The following LRRC4C variants were observed in gnomAD, a reference collection of about 807,000 sequenced individuals.
LRRC4C encodes the protein leucine-rich repeat-containing protein 4C.
In LRRC4C, 5 loss-of-function variants were observed where a neutral mutation model predicts 33.6. The ratio of observed to expected loss-of-function variants is 0.15; its 90% confidence interval spans 0.08 to 0.31. The LOEUF (loss-of-function observed/expected upper bound fraction) is 0.31, where lower values mean the gene tolerates loss of function less well. LRRC4C is among the 10% of genes least tolerant of loss of function. The pLI, the probability that LRRC4C is intolerant of heterozygous loss-of-function variation, is 1.00. For missense variants in LRRC4C, 560 were observed against 796.7 expected (o/e 0.70, Z 3.58); for synonymous variants, 329 against 302.0 (o/e 1.09, Z -0.93).
At chr11:40,346,245 C>G (rs1947124802) in intron 3 of LRRC4C, among the ~76,000 whole-genome samples, 1 of 152,168 alleles carries the variant, frequency 6.6e-6, no homozygotes. Context: ...AAGACACATG[C>G]ATTTGTATGT....
chr11:41,110,611 G>C (rs1345541579), intron 1 of LRRC4C, among the ~76,000 whole-genome samples: 1 of 152,020 alleles, frequency 6.6e-6, no homozygotes, highest in African/African-American at 2.4e-5. Context: ...TCTTCCACAT[G>C]AATAATATTG....
chr11:40,445,052 G>A (rs1338786370), intron 3 of LRRC4C, among the ~76,000 whole-genome samples: 1 of 152,104 alleles, frequency 6.6e-6, no homozygotes, highest in Non-Finnish European at 1.5e-5. Context: ...TCCCCACAAG[G>A]CATAAGCAAT....
rs538789438 is a variant in LRRC4C, at chr11:40,950,393, C to A, written c.-495-16670G>T. 2.0e-5 allele frequency among the ~76,000 whole-genome samples: 3 copies of A among 152,166 alleles called. No homozygotes were observed. In the South Asian group the frequency reaches 6.2e-4, roughly 32 times the overall value. On this transcript the variant is annotated intron_variant, in intron 1 of 6. Transcript: ENST00000528697. ...ACTTTTCCACTCAGATGCTATTTGTCTATTTTTATTTCCCTCATATTCACA... is the reference window on the plus strand; with the variant it reads ...ACTTTTCCACTCAGATGCTATTTGTATATTTTTATTTCCCTCATATTCACA...
At chr11:40,805,444 G>T (rs955773385) in intron 2 of LRRC4C, among the ~76,000 whole-genome samples, 2 of 152,086 alleles carry the variant, frequency 1.3e-5, no homozygotes, top group African/African-American at 4.8e-5. Flanking sequence ...AAACCAGATT[G>T]ATTTGAGTCA....
intron 1 of LRRC4C, among the ~76,000 whole-genome samples, chr11:41,152,545 C>G (rs1225431438): frequency 6.6e-6 from 1 of 152,064 alleles, no homozygotes; most frequent in Non-Finnish European, 1.5e-5. Flanking sequence ...GTTTTATGAA[C>G]CCAGGCCTAG....
At chr11:40,835,831 T>C (rs1425684527) in intron 2 of LRRC4C, among the ~76,000 whole-genome samples, 9 of 152,348 alleles carry the variant, frequency 5.9e-5, no homozygotes, top group Admixed American at 5.2e-4. Flanking sequence ...ATAGCATTCC[T>C]TTCCGTCAGC....
intron 2 of LRRC4C, among the ~76,000 whole-genome samples, chr11:40,661,006 T>C (rs10837465): frequency 0.19 from 29,287 of 152,192 alleles, 3,315 homozygotes; most frequent in East Asian, 0.47. Flanking sequence ...AAGGGGTTTC[T>C]TTTTATTGCA....
At chr11:40,792,271 A>G (rs1284025780) in intron 2 of LRRC4C, among the ~76,000 whole-genome samples, 1 of 152,176 alleles carries the variant, frequency 6.6e-6, no homozygotes, top group Non-Finnish European at 1.5e-5. Context: ...AAATGAACAA[A>G]ATCAATATTT....
At position 40,359,424 on chromosome 11, in the gene LRRC4C, C is replaced by T. The variant is rs190817314; in HGVS notation, c.-269-39703G>A. Among the ~76,000 whole-genome samples the T allele has an allele frequency of 2.6e-5, 4 of 152,198 alleles. No homozygotes were observed. In the East Asian group the frequency reaches 7.7e-4, roughly 29 times the overall value. On this transcript the variant is annotated intron_variant, in intron 3 of 6. Transcript: ENST00000528697. ...TTCCTCAGTAGACAGAACTTTTTTT[C>T]CCCAAAGCCATCCATTATTTGTAAT... is the stretch of plus-strand genomic sequence containing the variant.
chr11:40,717,677 T>G (rs1230229036), intron 2 of LRRC4C, among the ~76,000 whole-genome samples: 1 of 152,128 alleles, frequency 6.6e-6, no homozygotes, highest in Non-Finnish European at 1.5e-5. Context: ...CCGTGTAGTC[T>G]TCTCAGCCAC....
intron 1 of LRRC4C, among the ~76,000 whole-genome samples, chr11:41,419,463 G>T (rs1954800806): frequency 6.6e-6 from 1 of 151,858 alleles, no homozygotes. Flanking sequence ...TCCAGGTAGG[G>T]TTGAGACTGT....
At chr11:41,304,207 T>G (rs1175583793) in intron 1 of LRRC4C, among the ~76,000 whole-genome samples, 5 of 107,766 alleles carry the variant, frequency 4.6e-5, no homozygotes, top group Admixed American at 9.2e-5. Flanking sequence ...AGCCGCCCCG[T>G]CCGGGAGGGA....
chr11:40,775,942 G>A lies in LRRC4C; in HGVS notation c.-406-127664C>T, dbSNP rs73466690. ...GATGGGAGTCATTATTTTGAGTTAT[G>A]TTCTTTCTATGTTAGTTTATTGTGG... is the stretch of plus-strand genomic sequence containing the variant. On this transcript the variant is annotated intron_variant, in intron 2 of 6. Coordinates refer to ENST00000528697, the MANE Select transcript of LRRC4C (RefSeq NM_001258419.2). 2.0e-5 allele frequency among the ~76,000 whole-genome samples: 3 copies of A among 152,110 alleles called. No individual in the cohort carries two copies. In the East Asian group the frequency reaches 5.8e-4, roughly 29 times the overall value.
In LRRC4C at chr11:40,447,756, C is replaced by A. The variant is rs546851400; in HGVS notation, c.-269-128035G>T. Among the ~76,000 whole-genome samples the A allele has an allele frequency of 3.6e-4, 55 of 151,982 alleles. 2 individuals are homozygous for A. Among genetic ancestry groups the A allele is most frequent in the African/African-American group, 1.2e-3 (50 of 41,406 alleles). ...GGAGGAAGTGGACCCATCTCAGTAG[C>A]TTCACTGTAGAGCTTAACTGCCAAA... On this transcript the variant is annotated intron_variant, in intron 3 of 6. Coordinates refer to ENST00000528697, the MANE Select transcript of LRRC4C (RefSeq NM_001258419.2).
intron 1 of LRRC4C, among the ~76,000 whole-genome samples, chr11:41,379,907 G>A (rs1249854998): frequency 6.6e-6 from 1 of 152,022 alleles, no homozygotes. Flanking sequence ...TTCCAACAGA[G>A]AAGTGAAAGG....
intron 1 of LRRC4C, among the ~76,000 whole-genome samples, chr11:40,967,971 A>G (rs924940612): frequency 2.6e-4 from 40 of 152,044 alleles, no homozygotes; most frequent in African/African-American, 9.4e-4. Context: ...ATCCAAAGGT[A>G]GAAAGATTAA....
intron 6 of LRRC4C, among the ~76,000 whole-genome samples, chr11:40,136,638 A>G (rs1211131917): frequency 6.6e-6 from 1 of 152,168 alleles, no homozygotes; most frequent in Non-Finnish European, 1.5e-5. Flanking sequence ...TGACCTGTGA[A>G]GGCATGGAAG....
At position 41,442,470 on chromosome 11, in the gene LRRC4C, T is replaced by TTC. The variant is rs1255861360; in HGVS notation, c.-496+16960_-496+16961insGA. On this transcript the variant is annotated intron_variant, in intron 1 of 6. Transcript: ENST00000528697. ...TTGTTGCTTTTTTCTTTTTTTTTTT[T>TTC]TTTTTTTTTTTTTTTTTGAGACAGA... is the stretch of plus-strand genomic sequence containing the variant. 4.7e-3 allele frequency among the ~76,000 whole-genome samples: 589 copies of TTC among 124,174 alleles called. 56 individuals are homozygous for TTC. The East Asian group carries it at 0.11, about 22-fold the overall frequency. The allele number at this position is 124,174 out of a possible 152,430, so 81.5% of individuals were successfully genotyped here.
At chr11:40,796,059 C>T (rs1227344893) in intron 2 of LRRC4C, among the ~76,000 whole-genome samples, 1 of 152,088 alleles carries the variant, frequency 6.6e-6, no homozygotes, top group Admixed American at 6.5e-5. Context: ...TGTTTTTCTT[C>T]AAATATTCAA....
Sources: allele counts gnomAD v4.1 joint callset (sites outside exome capture counted in the v4.1 genomes callset), GRCh38; gene constraint gnomAD v4.1.1; transcripts MANE v1.5; gene names NCBI Gene and HGNC (gene_info 2026-07-23, HGNC 2026-07-21).